RBFOX1: variants seen among roughly 807,000 people sequenced by gnomAD.
RBFOX1 encodes the protein RNA binding protein fox-1 homolog 1.
In RBFOX1, 8 loss-of-function variants were observed where a neutral mutation model predicts 57.7. The ratio of observed to expected loss-of-function variants is 0.14; its 90% CI spans 0.08 to 0.25. The LOEUF (loss-of-function observed/expected upper bound fraction) is 0.25, where lower values mean the gene tolerates loss of function less well. RBFOX1 is among the 10% of genes least tolerant of loss of function. RBFOX1 has a pLI of 1.00. For missense variants in RBFOX1, 611 were observed against 548.5 expected (o/e 1.11, Z -1.14); for synonymous variants, 326 against 222.4 (o/e 1.47, Z -4.15).
Position 5,373,010 on chromosome 16 carries a change from C to T in RBFOX1, c.220-94206C>T, listed in dbSNP as rs150050326. On this transcript the variant is annotated intron_variant, in intron 1 of 2. Coordinates refer to the RBFOX1 transcript ENST00000585867. ...TCTTCTCCATCTAAACCTCTAAAGT[C>T]TTTCAGAATTTAAAGAAATAGCTTT... Among the ~76,000 whole-genome samples the T allele has an allele frequency of 3.5e-4, 53 of 152,324 alleles. No homozygotes were observed. The East Asian group carries it at 0.01, about 29-fold the overall frequency.
chr16:6,850,313 A>G (rs117895811), intron 3 of RBFOX1, among the ~76,000 whole-genome samples: 1,769 of 152,326 alleles, frequency 0.012, 23 homozygotes, highest in Middle Eastern at 0.02. Flanking sequence ...GGTACGATGA[A>G]AGAATAAACT....
chr16:5,305,188 C>T (rs2063903497), intron 1 of RBFOX1, among the ~76,000 whole-genome samples: 1 of 152,140 alleles, frequency 6.6e-6, no homozygotes, highest in South Asian at 2.1e-4. Context: ...CTGAGTACCA[C>T]ATGTTTCAGA....
At chr16:7,408,245 AT>A (rs142479719) in intron 4 of RBFOX1, among the ~76,000 whole-genome samples, 3 of 151,954 alleles carry the variant, frequency 2.0e-5, no homozygotes, top group Non-Finnish European at 4.4e-5. Flanking sequence ...AATCATTTAG[AT>A]TTTTTTTTCT....
At chr16:6,924,933 C>T (rs368398330) in intron 3 of RBFOX1, among the ~76,000 whole-genome samples, 25 of 145,934 alleles carry the variant, frequency 1.7e-4, no homozygotes, top group East Asian at 1.7e-3. Flanking sequence ...TGAGAACATG[C>T]GGTGTTTGGT....
intron 4 of RBFOX1, among the ~76,000 whole-genome samples, chr16:7,476,742 A>C (rs552865208): frequency 2.6e-5 from 4 of 152,290 alleles, no homozygotes; most frequent in African/African-American, 9.6e-5. Flanking sequence ...TATCCTTGCA[A>C]ATCTGTACCA....
intron 4 of RBFOX1, among the ~76,000 whole-genome samples, chr16:7,367,557 A>C (rs1181820746): frequency 2.0e-5 from 3 of 152,174 alleles, no homozygotes; most frequent in Non-Finnish European, 2.9e-5. Context: ...TCTGGAGTTA[A>C]TGGAAGAGAT....
chr16:5,319,163 A>G (rs1461688477), intron 1 of RBFOX1, among the ~76,000 whole-genome samples: 1 of 152,098 alleles, frequency 6.6e-6, no homozygotes, highest in East Asian at 1.9e-4. Context: ...AAAAACATAA[A>G]AAACCAGAGA....
intron 2 of RBFOX1, among the ~76,000 whole-genome samples, chr16:6,415,855 G>T (rs762566892): frequency 6.6e-6 from 1 of 152,134 alleles, no homozygotes. Flanking sequence ...AGTCTCTATC[G>T]GTGTGAAAAA....
Position 6,643,840 on chromosome 16 carries a change from A to G in RBFOX1, c.-63-10763A>G, listed in dbSNP as rs533775528. Among the ~76,000 whole-genome samples the G allele has an allele frequency of 1.2e-3, 9 of 7,652 alleles. No individual in the cohort carries two copies. The South Asian group carries it at 0.062, about 53-fold the overall frequency. 5.0% of individuals were successfully genotyped at this position (7,652 alleles called of 152,430 possible). A position where few individuals can be genotyped will look rare whatever the true frequency, so the allele number is the denominator to read the frequency against. On this transcript the variant is annotated intron_variant, in intron 2 of 15. Coordinates refer to ENST00000550418, the MANE Select transcript of RBFOX1 (RefSeq NM_018723.4). ...GTCTTTGTGAAGGTTAAAAAATCAT[A>G]TAAGGCTGAGCACGCTGGGTCATGC...
rs553478442 is a variant in RBFOX1 at position 5,771,272 on chromosome 16, C to G, written c.319-96031C>G. Among the ~76,000 whole-genome samples the G allele has an allele frequency of 1.1e-3, 163 of 152,348 alleles. 2 individuals are homozygous for G. Among genetic ancestry groups the G allele is most frequent in the African/African-American group, 3.7e-3 (153 of 41,572 alleles). ...CTGCACATTAAGGTTGTGAGAAGCT[C>G]TGACCTGGAGGGACTCTCCTTCTGA... On this transcript the variant is annotated intron_variant, in intron 3 of 19. Transcript: ENST00000641259.
At position 6,554,757 on chromosome 16, in the gene RBFOX1, CAG is replaced by C. The variant is rs1412246112; in HGVS notation, c.-63-99844_-63-99843del. Among the ~76,000 whole-genome samples, 1,113 of 145,316 alleles carry C rather than the reference CAG, an allele frequency of 7.7e-3. 17 individuals are homozygous for C. The highest frequency in any genetic ancestry group is 0.028 in the African/African-American group (1,053 of 37,102). On this transcript the variant is annotated intron_variant, in intron 2 of 15. Transcript: ENST00000550418. ...ACACACACACACACACACACACACA[CAG>C]ACACACACACAAAGGTACACAGACA...
chr16:7,373,999 G>A (rs1291688937), intron 4 of RBFOX1, among the ~76,000 whole-genome samples: 3 of 152,172 alleles, frequency 2.0e-5, no homozygotes, highest in Non-Finnish European at 4.4e-5. Context: ...TGATATTTTA[G>A]TCACAGATAT....
At chr16:5,783,628 C>A (rs1486520088) in intron 3 of RBFOX1, among the ~76,000 whole-genome samples, 1 of 152,170 alleles carries the variant, frequency 6.6e-6, no homozygotes, top group Non-Finnish European at 1.5e-5. Flanking sequence ...CACACCATTT[C>A]CCCTGCTTTT....
rs191864383 is a variant in RBFOX1 at position 5,773,812 on chromosome 16, C to T, written c.319-93491C>T. 2.0e-4 allele frequency among the ~76,000 whole-genome samples: 30 copies of T among 152,212 alleles called. No individual in the cohort carries two copies. In the East Asian group the frequency reaches 5.8e-3, roughly 30 times the overall value. The stretch of plus-strand genomic sequence containing the variant: ...TTCCAGGTTCAAGCGGTTCTACTGC[C>T]TCAACCTCCTGAGTAGCTGGGACTA... On this transcript the variant is annotated intron_variant, in intron 3 of 19. Coordinates refer to the RBFOX1 transcript ENST00000641259.
At chr16:7,685,939 C>A (rs993655591) in intron 14 of RBFOX1, among the ~76,000 whole-genome samples, 2 of 152,004 alleles carry the variant, frequency 1.3e-5, no homozygotes, top group Non-Finnish European at 2.9e-5. Context: ...ACACGTGGGT[C>A]CTGAATCTCT....
chr16:6,780,584 T>TTA (rs998887450), intron 3 of RBFOX1, among the ~76,000 whole-genome samples: 11 of 140,496 alleles, frequency 7.8e-5, no homozygotes, highest in East Asian at 4.1e-4. Flanking sequence ...ATATATATAT[T>TTA]TATATATATA....
intron 4 of RBFOX1, among the ~76,000 whole-genome samples, chr16:7,436,490 A>G (rs931465145): frequency 6.6e-5 from 10 of 152,210 alleles, no homozygotes; most frequent in Admixed American, 5.9e-4. Context: ...TGTCTTCACA[A>G]CCCAGTGCAA....
intron 2 of RBFOX1, among the ~76,000 whole-genome samples, chr16:6,599,996 C>T (rs2097830754): frequency 6.6e-6 from 1 of 152,146 alleles, no homozygotes; most frequent in South Asian, 2.1e-4. Flanking sequence ...GTCCTATTGC[C>T]ATCTTCTTCC....
intron 2 of RBFOX1, among the ~76,000 whole-genome samples, chr16:6,355,250 C>T (rs1479766432): frequency 1.3e-5 from 2 of 152,160 alleles, no homozygotes; most frequent in South Asian, 2.1e-4. Flanking sequence ...CCATCACCTA[C>T]ATTAGATATT....
Sources: allele counts gnomAD v4.1 joint callset (sites outside exome capture counted in the v4.1 genomes callset), GRCh38; gene constraint gnomAD v4.1.1; transcripts MANE v1.5; gene names NCBI Gene and HGNC (gene_info 2026-07-23, HGNC 2026-07-21).